The following PACS1 variants were observed in gnomAD, a reference collection of about 807,000 sequenced individuals.
The protein encoded by PACS1 is phosphofurin acidic cluster sorting protein 1.
In PACS1, 24 loss-of-function variants were observed where a neutral mutation model predicts 115.0. The observed-to-expected ratio is 0.21, with a 90% CI of 0.15 to 0.29. The LOEUF (loss-of-function observed/expected upper bound fraction) is 0.29. Ranked by LOEUF, PACS1 falls within the 10% of genes least tolerant of loss-of-function variation. The pLI is 1.00. For missense variants in PACS1, 838 were observed against 1,251.2 expected (o/e 0.67, Z 4.98); for synonymous variants, 453 against 504.5 (o/e 0.90, Z 1.37).
At chr11:66,239,114 A>G (rs1035084040) in intron 20 of PACS1, 28 bp from the exon 21 acceptor site, 2 of 1,614,052 alleles carry the variant, frequency 1.2e-6, no homozygotes, top group Non-Finnish European at 1.7e-6. Flanking sequence ...CCTCTGGCCA[A>G]CTGTGTTTGT....
chr11:66,139,402 T>A (rs2134590981), intron 1 of PACS1, among the ~76,000 whole-genome samples: 1 of 152,294 alleles, frequency 6.6e-6, no homozygotes, highest in Admixed American at 6.5e-5. Flanking sequence ...GTCACCCTGT[T>A]GTGCTAGCAA....
intron 1 of PACS1, among the ~76,000 whole-genome samples, chr11:66,137,250 G>T (rs1438617064): frequency 6.6e-6 from 1 of 151,184 alleles, no homozygotes; most frequent in Non-Finnish European, 1.5e-5. Flanking sequence ...GTGTGAGTGT[G>T]TGTGTTTGTG....
At chr11:66,220,519 G>T in intron 8 of PACS1, 112 bp from the exon 9 acceptor site, 1 of 991,102 alleles carries the variant, frequency 1.0e-6, no homozygotes. Flanking sequence ...GTGAAGCTCT[G>T]GCATGTCCCT....
intron 1 of PACS1, among the ~76,000 whole-genome samples, chr11:66,133,408 A>C (rs1858747700): frequency 1.3e-5 from 2 of 152,096 alleles, no homozygotes; most frequent in African/African-American, 4.8e-5. Context: ...TGGAGGCATC[A>C]CTGTGCACAG....
chr11:66,084,809 T>C (rs939665938), intron 1 of PACS1, among the ~76,000 whole-genome samples: 2 of 152,258 alleles, frequency 1.3e-5, no homozygotes, highest in Admixed American at 6.5e-5. Flanking sequence ...GTAACAGAGC[T>C]CTTGAGGGAG....
chr11:66,174,965 A>G (rs1264367924), intron 1 of PACS1, among the ~76,000 whole-genome samples: 2 of 152,202 alleles, frequency 1.3e-5, no homozygotes, highest in African/African-American at 2.4e-5. Context: ...AGCCTCACCA[A>G]CATGGTGAAA....
chr11:66,199,489 A>AC (rs1486971970), intron 2 of PACS1, among the ~76,000 whole-genome samples: 5 of 152,056 alleles, frequency 3.3e-5, no homozygotes, highest in Non-Finnish European at 7.3e-5. Flanking sequence ...AAATCAAAAA[A>AC]CCCTAAAACA....
intron 22 of PACS1, among the ~76,000 whole-genome samples, chr11:66,242,702 G>A (rs1398846569): frequency 6.6e-6 from 1 of 152,194 alleles, no homozygotes; most frequent in African/African-American, 2.4e-5. Context: ...CCCAGGGGGA[G>A]AAGTGGGACC....
At chr11:66,077,750 T>C (rs1033264778) in intron 1 of PACS1, among the ~76,000 whole-genome samples, 1 of 146,858 alleles carries the variant, frequency 6.8e-6, no homozygotes, top group Admixed American at 7.0e-5. Context: ...TCACCTAGGC[T>C]GGAGTGTAAA....
At position 66,242,984 on chromosome 11, in the gene PACS1, T is replaced by A; in HGVS notation, c.2729T>A (p.Ile910Asn). The A allele has an allele frequency of 6.2e-7, 1 of 1,613,548 alleles. No individual in the cohort carries two copies. The highest frequency in any genetic ancestry group is 8.5e-7 in the Non-Finnish European group (1 of 1,179,830). Reference protein sequence around the residue: ...VDSKSQVIEGISRLICSAKQQ... With the variant: ...VDSKSQVIEGNSRLICSAKQQ... ...TCTAAGAGCCAGGTCATTGAAGGCA[T>A]CAGCCGCCTCATCTGCTCAGCCAAG... Residue 910 changes from isoleucine (I) to asparagine (N), a missense_variant, in exon 23 of 24, where the codon ATC (isoleucine) becomes AAC (asparagine). Physicochemically the swap from Ile to Asn is moderately radical, Grantham distance 149. Coordinates refer to ENST00000320580, the MANE Select transcript of PACS1 (RefSeq NM_018026.4).
At chr11:66,174,140 C>T (rs77206866) in intron 1 of PACS1, among the ~76,000 whole-genome samples, 4,328 of 151,598 alleles carry the variant, frequency 0.029, 234 homozygotes, top group African/African-American at 0.099. Flanking sequence ...AATCATTAGT[C>T]GCTTGAGAAA....
chr11:66,200,247 A>C (rs1185135298), intron 2 of PACS1, among the ~76,000 whole-genome samples: 2 of 152,110 alleles, frequency 1.3e-5, no homozygotes, highest in Non-Finnish European at 2.9e-5. Context: ...TCTACTCAGG[A>C]GTCTGAGGTA....
chr11:66,075,192 C>T (rs376155026), intron 1 of PACS1, among the ~76,000 whole-genome samples: 1 of 152,098 alleles, frequency 6.6e-6, no homozygotes, highest in African/African-American at 2.4e-5. Flanking sequence ...ATCTGCCCGC[C>T]TTGGCCTTCC....
rs1478467393 is a variant in PACS1 at position 66,134,261 on chromosome 11, T to TC, written c.357-59225_357-59224insC. ...CTTTTTCTTTTTCTTTTTCTTTTTTTTTTTTTTTTTTTTTTTTTGAGACGG... is the reference window on the plus strand; with the variant it reads ...CTTTTTCTTTTTCTTTTTCTTTTTTTCTTTTTTTTTTTTTTTTTTGAGACGG... On this transcript the variant is annotated intron_variant, in intron 1 of 23. Coordinates refer to ENST00000320580, the MANE Select transcript of PACS1 (RefSeq NM_018026.4). 2.7e-4 allele frequency among the ~76,000 whole-genome samples: 31 copies of TC among 115,580 alleles called. No homozygotes were observed. In the East Asian group the frequency reaches 4.9e-3, roughly 18 times the overall value. The allele number at this position is 115,580 out of a possible 152,430, so 75.8% of individuals were successfully genotyped here. A position where few individuals can be genotyped will look rare whatever the true frequency, so the allele number is the denominator to read the frequency against.
intron 2 of PACS1, among the ~76,000 whole-genome samples, chr11:66,196,584 A>G (rs887485930): frequency 2.0e-5 from 3 of 152,218 alleles, no homozygotes; most frequent in African/African-American, 7.2e-5. Context: ...ACAACTTAAT[A>G]TTGGTTGCCA....
intron 1 of PACS1, among the ~76,000 whole-genome samples, chr11:66,155,945 C>T (rs1287263837): frequency 6.6e-6 from 1 of 151,854 alleles, no homozygotes; most frequent in Non-Finnish European, 1.5e-5. Flanking sequence ...TGAAAGAAGC[C>T]AGACCCAGAG....
intron 1 of PACS1, among the ~76,000 whole-genome samples, chr11:66,128,681 C>T (rs1456314203): frequency 1.3e-5 from 2 of 151,952 alleles, no homozygotes; most frequent in Non-Finnish European, 2.9e-5. Context: ...GTTAGGAGTT[C>T]GAGACCAGCC....
chr11:66,134,674 A>G (rs1250812960), intron 1 of PACS1, among the ~76,000 whole-genome samples: 2 of 151,860 alleles, frequency 1.3e-5, no homozygotes, highest in Non-Finnish European at 2.9e-5. Flanking sequence ...CCAGTTGGGT[A>G]GGGCTCCCTG....
At chr11:66,227,906 T>A (rs1022816086) in intron 11 of PACS1, among the ~76,000 whole-genome samples, 2 of 152,170 alleles carry the variant, frequency 1.3e-5, no homozygotes, top group Admixed American at 1.3e-4. Flanking sequence ...CCCTTCCTCA[T>A]TGGATGTTGC....
Sources: allele counts gnomAD v4.1 joint callset (sites outside exome capture counted in the v4.1 genomes callset), GRCh38; gene constraint gnomAD v4.1.1; transcripts MANE v1.5; gene names NCBI Gene and HGNC (gene_info 2026-07-23, HGNC 2026-07-21).